The following TENM4 variants were observed in gnomAD, a reference collection of about 807,000 sequenced individuals.
The protein encoded by TENM4 is teneurin-4.
In TENM4, 82 loss-of-function variants were observed where a neutral mutation model predicts 243.3. The observed-to-expected ratio is 0.34, with a 90% CI of 0.28 to 0.40. The LOEUF (loss-of-function observed/expected upper bound fraction) is 0.40, where lower values mean the gene tolerates loss of function less well. TENM4 is among the 10% of genes least tolerant of loss of function. The pLI, the probability that TENM4 is intolerant of heterozygous loss-of-function variation, is 1.00. For missense variants in TENM4, 3,138 were observed against 3,673.3 expected, an observed-to-expected ratio of 0.85 and a Z score of 3.77; for synonymous variants, 1,412 against 1,456.3, an observed-to-expected ratio of 0.97 and a Z score of 0.69.
At chr11:78,725,364 A>G (rs1489827721) in intron 23 of TENM4, among the ~76,000 whole-genome samples, 1 of 152,198 alleles carries the variant, frequency 6.6e-6, no homozygotes, top group Non-Finnish European at 1.5e-5. Context: ...ATCTGACATC[A>G]TTACCATATT....
chr11:79,377,089 C>T (rs11237812), intron 1 of TENM4, among the ~76,000 whole-genome samples: 35 of 152,278 alleles, frequency 2.3e-4, no homozygotes, highest in South Asian at 1.0e-3. Flanking sequence ...AACACACAGG[C>T]GATAACATGG....
At chr11:78,792,554 G>A (rs1011265636) in intron 15 of TENM4, among the ~76,000 whole-genome samples, 4 of 151,994 alleles carry the variant, frequency 2.6e-5, no homozygotes, top group Admixed American at 1.3e-4. Context: ...TGCCTCACCC[G>A]TGCACTGTCC....
At chr11:79,243,635 G>T (rs1424404332) in intron 2 of TENM4, among the ~76,000 whole-genome samples, 1 of 152,312 alleles carries the variant, frequency 6.6e-6, no homozygotes, top group East Asian at 1.9e-4. Flanking sequence ...TGTCAGAGGG[G>T]GCAGAAGGTC....
At chr11:78,776,309 G>C (rs1856738811) in intron 17 of TENM4, among the ~76,000 whole-genome samples, 1 of 152,088 alleles carries the variant, frequency 6.6e-6, no homozygotes, top group Non-Finnish European at 1.5e-5. Context: ...CAAGTTAGTG[G>C]GGTGGTTACT....
At chr11:79,347,215 T>C (rs1160215064) in intron 1 of TENM4, among the ~76,000 whole-genome samples, 2 of 152,172 alleles carry the variant, frequency 1.3e-5, no homozygotes, top group Admixed American at 1.3e-4. Context: ...ATGTGTCTGC[T>C]ACATAAATAA....
intron 6 of TENM4, among the ~76,000 whole-genome samples, chr11:78,974,232 C>T (rs571466630): frequency 3.3e-5 from 5 of 152,250 alleles, no homozygotes; most frequent in South Asian, 2.1e-4. Flanking sequence ...ATATTACAAC[C>T]GATTTTGACC....
chr11:79,435,696 C>G (rs564449223), intron 1 of TENM4, among the ~76,000 whole-genome samples: 2 of 152,282 alleles, frequency 1.3e-5, no homozygotes, highest in African/African-American at 4.8e-5. Flanking sequence ...GAACCCCGGG[C>G]GGAGACTTGC....
chr11:79,000,845 A>G (rs1399499022), intron 6 of TENM4, among the ~76,000 whole-genome samples: 3 of 152,164 alleles, frequency 2.0e-5, no homozygotes, highest in East Asian at 3.9e-4. Context: ...AGCCTGGCCA[A>G]CATGGTAAAA....
intron 3 of TENM4, among the ~76,000 whole-genome samples, chr11:79,170,590 T>A (rs747154774): frequency 1.3e-5 from 2 of 152,118 alleles, no homozygotes; most frequent in Non-Finnish European, 2.9e-5. Context: ...ACAGGGAGAA[T>A]GTCATGTGAA....
chr11:79,116,805 T>G (rs2137119802), intron 4 of TENM4, among the ~76,000 whole-genome samples: 1 of 152,320 alleles, frequency 6.6e-6, no homozygotes, highest in South Asian at 2.1e-4. Flanking sequence ...CTTGGACACA[T>G]GAGTCATCTG....
At chr11:79,234,479 T>C in intron 2 of TENM4, among the ~76,000 whole-genome samples, 1 of 143,276 alleles carries the variant, frequency 7.0e-6, no homozygotes, top group African/African-American at 3.0e-5. Context: ...ATTTCTCCAT[T>C]AGCTCACAAA....
intron 6 of TENM4, among the ~76,000 whole-genome samples, chr11:79,034,960 C>T (rs1025042274): frequency 6.6e-6 from 1 of 152,204 alleles, no homozygotes; most frequent in African/African-American, 2.4e-5. Context: ...TGAGGAGCTA[C>T]AGAGGGCTGG....
chr11:78,945,971 A>G (rs1390989466), intron 6 of TENM4, among the ~76,000 whole-genome samples: 6 of 152,248 alleles, frequency 3.9e-5, no homozygotes. Flanking sequence ...AGCCTCCATA[A>G]CATAAAAGTG....
intron 4 of TENM4, among the ~76,000 whole-genome samples, chr11:79,099,921 A>G (rs1486005291): frequency 6.6e-6 from 1 of 152,112 alleles, no homozygotes; most frequent in Non-Finnish European, 1.5e-5. Context: ...TTTCTCATGC[A>G]TTTGTGCAGC....
intron 6 of TENM4, chr11:79,014,521 C>T (rs1858725521): frequency 6.6e-6 from 1 of 152,190 alleles, no homozygotes; most frequent in African/African-American, 2.4e-5. Context: ...TTAATGTCTG[C>T]CTTCAGCAGC....
At chr11:79,357,957 GCTAA>G (rs1590906789) in intron 1 of TENM4, among the ~76,000 whole-genome samples, 1 of 152,132 alleles carries the variant, frequency 6.6e-6, no homozygotes. Flanking sequence ...TATGCATTAG[GCTAA>G]CTGAGAGATG....
Position 79,202,629 on chromosome 11 carries a change from A to T in TENM4, c.-163+13179T>A, listed in dbSNP as rs927878513. On this transcript the variant is annotated intron_variant, in intron 3 of 33. Coordinates refer to ENST00000278550, the MANE Select transcript of TENM4 (RefSeq NM_001098816.3). ...TGGGGGTGGCTTGTAAGAACCTGCC[A>T]GGTTGGGACAGTCCAGTGGTGGCCC... is the stretch of plus-strand genomic sequence containing the variant. 2.0e-5 allele frequency among the ~76,000 whole-genome samples: 3 copies of T among 152,186 alleles called. No individual in the cohort carries two copies. The South Asian group carries it at 6.2e-4, about 32-fold the overall frequency.
intron 4 of TENM4, among the ~76,000 whole-genome samples, chr11:79,146,196 A>T (rs1343645480): frequency 1.3e-5 from 2 of 152,200 alleles, no homozygotes; most frequent in East Asian, 1.9e-4. Flanking sequence ...TGTGATACAC[A>T]ATTATGCAGT....
chr11:79,258,015 G>A (rs531321156), intron 2 of TENM4, among the ~76,000 whole-genome samples: 37 of 152,180 alleles, frequency 2.4e-4, no homozygotes, highest in Non-Finnish European at 4.6e-4. Flanking sequence ...GCGAGGTGAG[G>A]GGTTCACTCA....
Sources: allele counts gnomAD v4.1 joint callset (sites outside exome capture counted in the v4.1 genomes callset), GRCh38; gene constraint gnomAD v4.1.1; transcripts MANE v1.5; gene names NCBI Gene and HGNC (gene_info 2026-07-23, HGNC 2026-07-21).